Variants in ZNF573 observed in about 807,000 individuals in gnomAD.
The protein encoded by ZNF573 is zinc finger protein 573.
In ZNF573, 41 loss-of-function variants were observed where a neutral mutation model predicts 57.4. The observed-to-expected ratio is 0.71, with a 90% CI of 0.56 to 0.93. The LOEUF (loss-of-function observed/expected upper bound fraction) is 0.93, where lower values mean the gene tolerates loss of function less well. Ranked by LOEUF, ZNF573 falls within the 40% of genes least tolerant of loss-of-function variation. The pLI, the probability that ZNF573 is intolerant of heterozygous loss-of-function variation, is 0.00. For missense variants in ZNF573, 730 were observed against 794.8 expected (o/e 0.92, Z 0.98); for synonymous variants, 249 against 261.0 (o/e 0.95, Z 0.44).
At chr19:37,777,182 T>G (rs1186312782) in intron 1 of ZNF573, among the ~76,000 whole-genome samples, 1 of 152,168 alleles carries the variant, frequency 6.6e-6, no homozygotes, top group Non-Finnish European at 1.5e-5. Context: ...TTATTTTATT[T>G]TTTTTTCAGT....
chr19:37,753,927 C>T (rs922582331), intron 4 of ZNF573, among the ~76,000 whole-genome samples: 16 of 152,048 alleles, frequency 1.1e-4, no homozygotes, highest in African/African-American at 3.4e-4. Flanking sequence ...CAAAAATAGC[C>T]AATAGTTTAA....
At chr19:37,743,181 A>C (rs927609650) in intron 4 of ZNF573, among the ~76,000 whole-genome samples, 1 of 152,018 alleles carries the variant, frequency 6.6e-6, no homozygotes, top group Non-Finnish European at 1.5e-5. Context: ...TTAGCCAGGC[A>C]TGGTGGCAGG....
chr19:37,739,133 A>G lies in ZNF573; in HGVS notation c.1357T>C (p.Leu453=). 6.2e-7 allele frequency: 1 copy of G among 1,613,178 alleles called. No individual in the cohort carries two copies. The highest frequency in any genetic ancestry group is 8.5e-7 in the Non-Finnish European group (1 of 1,179,792). The change falls in exon 5 of 5, where the codon TTG becomes CTG. Residue 453 remains leucine (L), a synonymous_variant. Coordinates refer to ENST00000536220, the MANE Select transcript of ZNF573 (RefSeq NM_001172690.2). ...ECKECKKTFT[L]YRNLTRHQNI... Reference sequence around the variant, plus strand: ...TGATGTCGAGTAAGATTTCTATACAAAGTAAAGGTTTTTTTACACTCCTTA... The same window carrying G: ...TGATGTCGAGTAAGATTTCTATACAGAGTAAAGGTTTTTTTACACTCCTTA...
At chr19:37,740,810 C>G (rs993150782) in intron 4 of ZNF573, 1 of 310,108 alleles carries the variant, frequency 3.2e-6, no homozygotes, top group Non-Finnish European at 6.3e-6. Flanking sequence ...GCCTTAAGTC[C>G]CTGATATAAA....
intron 1 of ZNF573, among the ~76,000 whole-genome samples, chr19:37,775,343 C>G (rs1278352685): frequency 2.0e-5 from 3 of 152,068 alleles, no homozygotes; most frequent in African/African-American, 4.8e-5. Flanking sequence ...TCTAACATCA[C>G]TTGAAGAAAA....
chr19:37,760,912 A>G (rs546730637), intron 4 of ZNF573, among the ~76,000 whole-genome samples: 81 of 152,138 alleles, frequency 5.3e-4, no homozygotes, highest in African/African-American at 1.8e-3. Flanking sequence ...GATGTGTACA[A>G]GCAGGCCGGG....
chr19:37,742,844 A>C (rs574687589), intron 4 of ZNF573, among the ~76,000 whole-genome samples: 1 of 152,346 alleles, frequency 6.6e-6, no homozygotes, highest in South Asian at 2.1e-4. Context: ...AATTAAACCA[A>C]AGACCTTCTG....
chr19:37,771,298 A>ATAC (rs1469346402), intron 3 of ZNF573, among the ~76,000 whole-genome samples: 1 of 151,790 alleles, frequency 6.6e-6, no homozygotes. Flanking sequence ...AATAATAATA[A>ATAC]TATATAATTT....
intron 1 of ZNF573, among the ~76,000 whole-genome samples, chr19:37,777,880 G>A (rs964198223): frequency 1.1e-4 from 16 of 151,284 alleles, no homozygotes; most frequent in Admixed American, 8.6e-4. Flanking sequence ...AAAATTAGCC[G>A]GGCGTGGTGG....
intron 4 of ZNF573, among the ~76,000 whole-genome samples, chr19:37,762,980 A>G (rs1267183306): frequency 6.6e-6 from 1 of 151,880 alleles, no homozygotes; most frequent in Non-Finnish European, 1.5e-5. Flanking sequence ...ACCATGTTGA[A>G]CAGGCTGGTC....
At position 37,746,519 on chromosome 19, in the gene ZNF573, A is replaced by C. The variant is rs147859128; in HGVS notation, c.296-6325T>G. Reference sequence around the variant, plus strand: ...TTCAGATGCATACAAATGGATAGACAAAAAGACAATTATTAATATATGTAA... The same window carrying C: ...TTCAGATGCATACAAATGGATAGACCAAAAGACAATTATTAATATATGTAA... On this transcript the variant is annotated intron_variant, in intron 4 of 4. Transcript: ENST00000536220. 8.4e-3 allele frequency among the ~76,000 whole-genome samples: 1,279 copies of C among 152,312 alleles called. 14 individuals carry two copies. Among genetic ancestry groups the C allele is most frequent in the African/African-American group, 0.029 (1,194 of 41,568 alleles).
chr19:37,759,645 G>A (rs1242256755), intron 4 of ZNF573, among the ~76,000 whole-genome samples: 1 of 151,940 alleles, frequency 6.6e-6, no homozygotes, highest in Non-Finnish European at 1.5e-5. Context: ...GGAAAATGGC[G>A]TGAACCCGGG....
intron 4 of ZNF573, among the ~76,000 whole-genome samples, chr19:37,748,764 T>C (rs2045405543): frequency 6.6e-6 from 1 of 151,910 alleles, no homozygotes; most frequent in Non-Finnish European, 1.5e-5. Flanking sequence ...CCATCTCTAC[T>C]AAAAACACAA....
At chr19:37,752,073 G>C (rs1448752493) in intron 4 of ZNF573, among the ~76,000 whole-genome samples, 3 of 151,496 alleles carry the variant, frequency 2.0e-5, no homozygotes, top group Non-Finnish European at 4.4e-5. Context: ...AAGACTATGT[G>C]TGTATATATA....
At position 37,738,791 on chromosome 19, in the gene ZNF573, AACT is replaced by A. The variant is rs1196706648; in HGVS notation, c.1696_1698del (p.Ser567del). 1 of 1,614,114 alleles carries A rather than the reference AACT, an allele frequency of 6.2e-7. No homozygotes were observed. The highest frequency in any genetic ancestry group is 8.5e-7 in the Non-Finnish European group (1 of 1,180,024). On this transcript the variant is annotated inframe_deletion, in exon 5 of 5. Transcript: ENST00000536220. ...ATGCTCTGATGTGCAGTAAGGTGTGAACTACGTCTAAAGGTCTTCCCACATTCC... is the reference window on the plus strand; with the variant it reads ...ATGCTCTGATGTGCAGTAAGGTGTGAACGTCTAAAGGTCTTCCCACATTCC...
At chr19:37,777,279 G>T (rs2045717944) in intron 1 of ZNF573, among the ~76,000 whole-genome samples, 1 of 152,076 alleles carries the variant, frequency 6.6e-6, no homozygotes. Context: ...CTCCCAAAAT[G>T]CTGGGATTAC....
intron 2 of ZNF573, among the ~76,000 whole-genome samples, chr19:37,771,962 G>A (rs2045663369): frequency 6.6e-6 from 1 of 152,082 alleles, no homozygotes; most frequent in Non-Finnish European, 1.5e-5. Flanking sequence ...ACCTGCTGAG[G>A]AATGGATAAA....
At position 37,772,627 on chromosome 19, in the gene ZNF573, C is replaced by T. The variant is rs532659399; in HGVS notation, c.70-931G>A. Reference sequence around the variant, plus strand: ...GTTAATCCATCTTTTACCTCGTGTACATTTTTTAAATCTTTTTTTTTTTTT... The same window carrying T: ...GTTAATCCATCTTTTACCTCGTGTATATTTTTTAAATCTTTTTTTTTTTTT... On this transcript the variant is annotated intron_variant, in intron 2 of 4. Transcript: ENST00000536220. 6.0e-5 allele frequency among the ~76,000 whole-genome samples: 9 copies of T among 151,118 alleles called. No homozygotes were observed. In the South Asian group the frequency reaches 6.3e-4, roughly 11 times the overall value.
At chr19:37,772,025 GA>G (rs2045663780) in intron 2 of ZNF573, among the ~76,000 whole-genome samples, 1 of 152,222 alleles carries the variant, frequency 6.6e-6, no homozygotes, top group African/African-American at 2.4e-5. Flanking sequence ...CTAGTCATGT[GA>G]TGCATAAATT....
Sources: allele counts gnomAD v4.1 joint callset (sites outside exome capture counted in the v4.1 genomes callset), GRCh38; gene constraint gnomAD v4.1.1; transcripts MANE v1.5; gene names NCBI Gene and HGNC (gene_info 2026-07-23, HGNC 2026-07-21).